The following CBL variants were observed in gnomAD, a reference collection of about 807,000 sequenced individuals.
CBL encodes the protein Cbl proto-oncogene.
In CBL, 45 loss-of-function variants were observed where a neutral mutation model predicts 96.9. The ratio of observed to expected loss-of-function variants is 0.46; its 90% CI spans 0.37 to 0.60. CBL has a LOEUF of 0.60. CBL is among the 20% of genes least tolerant of loss of function. The pLI, the probability that CBL is intolerant of heterozygous loss-of-function variation, is 0.00. For synonymous variants in CBL, 420 were observed against 426.8 expected (o/e 0.98, Z 0.20); for missense variants, 1,024 against 1,143.5 (o/e 0.90, Z 1.51).
intron 1 of CBL, among the ~76,000 whole-genome samples, chr11:119,218,402 C>T (rs1249461346): frequency 6.6e-6 from 1 of 152,158 alleles, no homozygotes; most frequent in Non-Finnish European, 1.5e-5. Flanking sequence ...TAGTGTATGG[C>T]ATCTAAAAGT....
chr11:119,268,078 G>C (rs1949817459), intron 2 of CBL, among the ~76,000 whole-genome samples: 1 of 152,218 alleles, frequency 6.6e-6, no homozygotes. Context: ...GAACTAAGAA[G>C]TTAGTTAGAA....
intron 2 of CBL, among the ~76,000 whole-genome samples, chr11:119,248,624 A>G (rs1949648979): frequency 6.6e-6 from 1 of 152,244 alleles, no homozygotes; most frequent in South Asian, 2.1e-4. Flanking sequence ...CACCAAAAGC[A>G]TAAAGATAGA....
At chr11:119,298,036 T>G (rs956270573) in intron 14 of CBL, among the ~76,000 whole-genome samples, 5 of 152,224 alleles carry the variant, frequency 3.3e-5, no homozygotes, top group Non-Finnish European at 5.9e-5. Flanking sequence ...CAGGATCCTT[T>G]GCTGATCTTC....
intron 1 of CBL, among the ~76,000 whole-genome samples, chr11:119,215,822 G>T (rs1319266959): frequency 6.6e-6 from 1 of 151,696 alleles, no homozygotes. Flanking sequence ...GCTAGACTCT[G>T]TCTCAAAAAA....
In CBL at chr11:119,306,038, C is replaced by G. The variant is rs766820359; in HGVS notation, c.*6257C>G. On this transcript the variant is annotated 3_prime_UTR_variant, in exon 16 of 16. Transcript: ENST00000264033. ...AGTGCCATGTGCCTTCACTGTGTCC[C>G]AGGAAATCTGGGTTGGTTCCAGTGG... 17 of 367,046 alleles carry G rather than the reference C, an allele frequency of 4.6e-5. No homozygotes were observed. The highest frequency in any genetic ancestry group is 6.3e-5 in the Non-Finnish European group (13 of 206,246). The allele number at this position is 367,046 out of a possible 1,614,324, so 22.7% of individuals were successfully genotyped here. A position where few individuals can be genotyped will look rare whatever the true frequency, so the allele number is the denominator to read the frequency against.
chr11:119,229,847 C>A (rs1182703034), intron 1 of CBL, among the ~76,000 whole-genome samples: 3 of 151,812 alleles, frequency 2.0e-5, no homozygotes, highest in Non-Finnish European at 4.4e-5. Flanking sequence ...CCTGCCTCAG[C>A]CTCCCGAGTA....
At chr11:119,218,618 A>G (rs1565855612) in intron 1 of CBL, among the ~76,000 whole-genome samples, 1 of 152,080 alleles carries the variant, frequency 6.6e-6, no homozygotes, top group Non-Finnish European at 1.5e-5. Flanking sequence ...TATGCAGTGT[A>G]GATACATACT....
chr11:119,210,423 GTTTAA>G (rs1457535384), intron 1 of CBL, among the ~76,000 whole-genome samples: 1 of 151,782 alleles, frequency 6.6e-6, no homozygotes, highest in Non-Finnish European at 1.5e-5. Flanking sequence ...GTATCAAAGT[GTTTAA>G]TTTAGTAAGA....
chr11:119,206,483 G>T lies in CBL; in HGVS notation c.66G>T (p.Ser22=). The T allele has an allele frequency of 6.4e-7, 1 of 1,574,740 alleles. No individual in the cohort carries two copies. The highest frequency in any genetic ancestry group is 8.6e-7 in the Non-Finnish European group (1 of 1,163,118). The change falls in exon 1 of 16, where the codon TCG becomes TCT. Residue 22 remains serine, a synonymous_variant. Coordinates refer to ENST00000264033, the MANE Select transcript of CBL (RefSeq NM_005188.4). Reference sequence around the variant, plus strand: ...GCAGCGGCTCCGGGGGCTCGGGTTCGGGTGGCCTGATTGGGCTCATGAAGG... The same window carrying T: ...GCAGCGGCTCCGGGGGCTCGGGTTCTGGTGGCCTGATTGGGCTCATGAAGG... ...GGGSGSGGSG[S]GGLIGLMKDA...
chr11:119,274,097 TTA>T (rs2135299323), intron 4 of CBL, 73 bp downstream of exon 4: 8 of 1,129,202 alleles, frequency 7.1e-6, no homozygotes, highest in South Asian at 2.7e-5. Flanking sequence ...TTTTTTTTTT[TTA>T]AATAACATTT....
intron 1 of CBL, among the ~76,000 whole-genome samples, chr11:119,207,989 A>G (rs764826077): frequency 2.0e-5 from 3 of 152,242 alleles, no homozygotes; most frequent in Non-Finnish European, 4.4e-5. Context: ...CAGTGGTTTC[A>G]TAGCCACCTT....
chr11:119,264,438 CTTCT>C (rs772461760), intron 2 of CBL, among the ~76,000 whole-genome samples: 4,187 of 93,534 alleles, frequency 0.045, 75 homozygotes, highest in East Asian at 0.091. Flanking sequence ...CTTCTCTTCT[CTTCT>C]TTCTCTTCTC....
intron 2 of CBL, among the ~76,000 whole-genome samples, chr11:119,240,426 T>C (rs1224707092): frequency 6.6e-6 from 1 of 152,254 alleles, no homozygotes; most frequent in Non-Finnish European, 1.5e-5. Flanking sequence ...TCTTTGATTC[T>C]TCTGGTATTA....
Position 119,259,451 on chromosome 11 carries a change from ATTTAC to A in CBL, c.444-12281_444-12277del, listed in dbSNP as rs201410778. Reference sequence around the variant, plus strand: ...ATTTGACAATACTGAAATTTTGTGTATTTACTTATATATTAGAGCCACTATGCAAA... The same window carrying A: ...ATTTGACAATACTGAAATTTTGTGTATTATATATTAGAGCCACTATGCAAA... On this transcript the variant is annotated intron_variant, in intron 2 of 15. Transcript: ENST00000264033. Among the ~76,000 whole-genome samples the A allele has an allele frequency of 3.3e-3, 506 of 152,174 alleles. 9 individuals are homozygous for A. The East Asian group carries it at 0.05, about 15-fold the overall frequency.
chr11:119,264,751 G>A (rs1949788361), intron 2 of CBL, among the ~76,000 whole-genome samples: 1 of 151,994 alleles, frequency 6.6e-6, no homozygotes, highest in Admixed American at 6.6e-5. Context: ...CGTAAGTGCT[G>A]GGATTACAGG....
chr11:119,271,640 A>G (rs1051482109), intron 2 of CBL, 95 bp from the exon 3 acceptor site: 24 of 1,004,048 alleles, frequency 2.4e-5, no homozygotes, highest in Non-Finnish European at 3.6e-5. Context: ...GTATTTTAAT[A>G]TTCATGTTAA....
chr11:119,292,622 C>T (rs565899919), intron 12 of CBL, among the ~76,000 whole-genome samples: 65 of 152,040 alleles, frequency 4.3e-4, no homozygotes, highest in Admixed American at 9.2e-4. Context: ...CGGGGTTTCA[C>T]CACGTTAGCC....
intron 12 of CBL, among the ~76,000 whole-genome samples, chr11:119,290,193 G>T (rs915984392): frequency 6.6e-6 from 1 of 151,740 alleles, no homozygotes; most frequent in African/African-American, 2.4e-5. Context: ...CCACAGATGC[G>T]AACTACCACA....
intron 2 of CBL, among the ~76,000 whole-genome samples, chr11:119,243,328 A>G (rs1432888273): frequency 6.6e-6 from 1 of 151,782 alleles, no homozygotes; most frequent in African/African-American, 2.4e-5. Context: ...CTGGTAGGAT[A>G]TTTATTTATT....
Sources: gnomAD v4.1 joint callset for allele counts (sites outside exome capture counted in the v4.1 genomes callset) on GRCh38, gnomAD v4.1.1 for gene constraint, MANE v1.5 for transcripts, NCBI Gene and HGNC (gene_info 2026-07-23, HGNC 2026-07-21) for gene names.